Variants in PTPRD observed in about 807,000 individuals in gnomAD.
The protein encoded by PTPRD is receptor-type tyrosine-protein phosphatase delta.
In PTPRD, 34 loss-of-function variants were observed where a neutral mutation model predicts 214.5. The observed-to-expected ratio is 0.16, with a 90% CI of 0.12 to 0.21. PTPRD has a LOEUF of 0.21. PTPRD is among the 10% of genes least tolerant of loss of function. PTPRD has a pLI of 1.00. For missense variants in PTPRD, 2,545 were observed against 2,398.7 expected, an observed-to-expected ratio of 1.06 and a Z score of -1.27; for synonymous variants, 1,128 against 845.7, an observed-to-expected ratio of 1.33 and a Z score of -5.79.
At chr9:9,969,344 C>T (rs916732225) in intron 4 of PTPRD, among the ~76,000 whole-genome samples, 6 of 152,100 alleles carry the variant, frequency 3.9e-5, no homozygotes, top group African/African-American at 1.4e-4. Flanking sequence ...CTCTCTCTTT[C>T]CTCCTCAACT....
At chr9:9,248,574 T>C (rs896707296) in intron 9 of PTPRD, among the ~76,000 whole-genome samples, 1 of 152,070 alleles carries the variant, frequency 6.6e-6, no homozygotes, top group African/African-American at 2.4e-5. Context: ...GTAATGATTG[T>C]TTATATGTCA....
At chr9:9,726,401 A>G (rs1596131512) in intron 7 of PTPRD, among the ~76,000 whole-genome samples, 1 of 152,178 alleles carries the variant, frequency 6.6e-6, no homozygotes. Context: ...CATAAGCAGG[A>G]CAGTGTAAAA....
intron 11 of PTPRD, among the ~76,000 whole-genome samples, chr9:8,855,295 A>G (rs972851606): frequency 2.0e-5 from 3 of 152,256 alleles, no homozygotes; most frequent in South Asian, 2.1e-4. Flanking sequence ...CTGGATTTAA[A>G]TAAGTGTCAA....
chr9:8,608,028 G>A (rs1286421778), intron 14 of PTPRD, among the ~76,000 whole-genome samples: 2 of 152,058 alleles, frequency 1.3e-5, no homozygotes, highest in South Asian at 2.1e-4. Flanking sequence ...CAGCTTTTAC[G>A]ACGCACTGCA....
At chr9:9,826,032 A>G (rs1205222665) in intron 5 of PTPRD, among the ~76,000 whole-genome samples, 2 of 151,782 alleles carry the variant, frequency 1.3e-5, no homozygotes, top group East Asian at 3.9e-4. Context: ...ATTCATGATC[A>G]TAATTTTGAG....
chr9:9,290,241 G>T (rs1301122891), intron 9 of PTPRD, among the ~76,000 whole-genome samples: 1 of 151,594 alleles, frequency 6.6e-6, no homozygotes, highest in Non-Finnish European at 1.5e-5. Context: ...ATGCTTGTTG[G>T]TTATTTGTAT....
At chr9:8,398,457 T>C (rs1423370748) in intron 36 of PTPRD, among the ~76,000 whole-genome samples, 1 of 152,132 alleles carries the variant, frequency 6.6e-6, no homozygotes, top group Admixed American at 6.6e-5. Context: ...AATAAATATA[T>C]TTATGTTTTG....
At chr9:8,526,426 GAACAA>G (rs2074163308) in intron 17 of PTPRD, among the ~76,000 whole-genome samples, 196 bp downstream of exon 17, 1 of 149,040 alleles carries the variant, frequency 6.7e-6, no homozygotes, top group Non-Finnish European at 1.5e-5. Flanking sequence ...AGAAAGAAAT[GAACAA>G]AACAAAGAGA....
intron 12 of PTPRD, among the ~76,000 whole-genome samples, chr9:8,677,169 A>G (rs867411514): frequency 1.3e-4 from 20 of 152,284 alleles, no homozygotes; most frequent in African/African-American, 4.6e-4. Context: ...TAATTTCTAA[A>G]CTGGAAATCT....
chr9:10,077,224 G>C (rs778479596), intron 3 of PTPRD, among the ~76,000 whole-genome samples: 1 of 151,992 alleles, frequency 6.6e-6, no homozygotes, highest in Non-Finnish European at 1.5e-5. Context: ...ATCATCCTTT[G>C]CCTGCTCACC....
At chr9:10,180,117 C>A (rs190127601) in intron 3 of PTPRD, among the ~76,000 whole-genome samples, 1 of 152,054 alleles carries the variant, frequency 6.6e-6, no homozygotes, top group East Asian at 1.9e-4. Flanking sequence ...TACACACATA[C>A]AGTTCCAAAA....
intron 3 of PTPRD, among the ~76,000 whole-genome samples, chr9:10,285,251 C>T (rs912528858): frequency 1.3e-5 from 2 of 149,614 alleles, no homozygotes; most frequent in Non-Finnish European, 2.9e-5. Context: ...TAAAACTTAG[C>T]AAAGAGACTA....
rs966220750 is a variant in PTPRD, at chr9:8,799,499, G to C, written c.-103-65553C>G. 2.0e-5 allele frequency among the ~76,000 whole-genome samples: 3 copies of C among 152,166 alleles called. No individual in the cohort carries two copies. The East Asian group carries it at 5.8e-4, about 29-fold the overall frequency. On this transcript the variant is annotated intron_variant, in intron 11 of 45. Transcript: ENST00000381196. Reference sequence around the variant, plus strand: ...AAGAGAAAAGAAAAGGAATGCATTTGGTTGACAGGCAGTAGGGAAGAGGAA... The same window carrying C: ...AAGAGAAAAGAAAAGGAATGCATTTCGTTGACAGGCAGTAGGGAAGAGGAA...
At chr9:9,911,675 T>C (rs2079223777) in intron 5 of PTPRD, among the ~76,000 whole-genome samples, 1 of 152,130 alleles carries the variant, frequency 6.6e-6, no homozygotes, top group African/African-American at 2.4e-5. Flanking sequence ...TAAACTTTCA[T>C]AACATTCAAA....
At chr9:8,624,188 A>G (rs2095926785) in intron 14 of PTPRD, among the ~76,000 whole-genome samples, 2 of 151,912 alleles carry the variant, frequency 1.3e-5, no homozygotes, top group African/African-American at 4.8e-5. Flanking sequence ...ATGTGTGTTA[A>G]CGTAACAATA....
chr9:8,497,492 T>C (rs1256225982), intron 25 of PTPRD, among the ~76,000 whole-genome samples: 1 of 152,196 alleles, frequency 6.6e-6, no homozygotes, highest in Non-Finnish European at 1.5e-5. Flanking sequence ...CCAGCTAACA[T>C]TCTTTAAATG....
chr9:10,192,657 C>G (rs974706417), intron 3 of PTPRD, among the ~76,000 whole-genome samples: 1 of 152,040 alleles, frequency 6.6e-6, no homozygotes, highest in Non-Finnish European at 1.5e-5. Flanking sequence ...TGAACCTGGT[C>G]TTTTATATCC....
chr9:9,671,231 T>C lies in PTPRD; in HGVS notation c.-287+63302A>G, dbSNP rs191764594. ...TTGGAGCTTTAAAATTTGACTGCTC[T>C]GCTGGATTTCAGACTTGCATGGGCC... On this transcript the variant is annotated intron_variant, in intron 7 of 45. Transcript: ENST00000381196. 1.3e-5 allele frequency among the ~76,000 whole-genome samples: 2 copies of C among 152,278 alleles called. 1 individual carries two copies. The highest frequency in any genetic ancestry group is 2.9e-5 in the Non-Finnish European group (2 of 68,012).
chr9:10,063,384 T>A (rs1292858550), intron 3 of PTPRD, among the ~76,000 whole-genome samples: 3 of 151,992 alleles, frequency 2.0e-5, no homozygotes, highest in African/African-American at 7.2e-5. Context: ...AATTATACAT[T>A]TAAAGTATCT....
Sources: gnomAD v4.1 joint callset for allele counts (sites outside exome capture counted in the v4.1 genomes callset) on GRCh38, gnomAD v4.1.1 for gene constraint, MANE v1.5 for transcripts, NCBI Gene and HGNC (gene_info 2026-07-23, HGNC 2026-07-21) for gene names.